The following RPAP2 variants were observed in gnomAD, a reference collection of about 807,000 sequenced individuals.
RPAP2 encodes the protein RNA polymerase II associated protein 2, also known as putative RNA polymerase II subunit B1 CTD phosphatase RPAP2.
A neutral mutation model predicts 73.1 loss-of-function variants in RPAP2; 52 were observed. The observed-to-expected ratio is 0.71, with a 90% CI of 0.57 to 0.90. The LOEUF (loss-of-function observed/expected upper bound fraction) is 0.90, where lower values mean the gene tolerates loss of function less well. RPAP2 is among the 40% of genes least tolerant of loss of function. The pLI is 0.00. For synonymous variants in RPAP2, 225 were observed against 242.1 expected, an observed-to-expected ratio of 0.93 and a Z score of 0.65; for missense variants, 598 against 701.8, an observed-to-expected ratio of 0.85 and a Z score of 1.67.
intron 8 of RPAP2, among the ~76,000 whole-genome samples, chr1:92,329,815 T>G (rs1405438261): frequency 6.6e-6 from 1 of 152,238 alleles, no homozygotes; most frequent in Non-Finnish European, 1.5e-5. Context: ...CTTAGAATTT[T>G]TGCACATATT....
Position 92,323,828 on chromosome 1 carries a change from G to A in RPAP2, c.908G>A (p.Ser303Asn). 1 of 1,614,046 alleles carries A rather than the reference G, an allele frequency of 6.2e-7. No homozygotes were observed. The highest frequency in any genetic ancestry group is 8.5e-7 in the Non-Finnish European group (1 of 1,179,980). ...QKVNTQSSSNSTLPERLKASE... is the reference protein window; with the variant it reads ...QKVNTQSSSNNTLPERLKASE... Reference sequence around the variant, plus strand: ...GTAAATACTCAGAGTTCTTCAAATAGCACTTTGCCTGAAAGATTAAAAGCG... The same window carrying A: ...GTAAATACTCAGAGTTCTTCAAATAACACTTTGCCTGAAAGATTAAAAGCG... The change falls in exon 8 of 13, where the codon AGC (serine) becomes AAC (asparagine). Residue 303 changes from serine (S) to asparagine (N), a missense_variant. By Grantham distance (46) the Ser-to-Asn change is conservative (BLOSUM62 1). Coordinates refer to ENST00000610020, the MANE Select transcript of RPAP2 (RefSeq NM_024813.3).
In RPAP2 at chr1:92,323,754, A is replaced by C. The variant is rs1244502986; in HGVS notation, c.834A>C (p.Lys278Asn). Reference protein sequence around the residue: ...VDVTEQLGDCKLDSQEKDATC... With the variant: ...VDVTEQLGDCNLDSQEKDATC... ...TCACTGAGCAGTTAGGCGATTGCAA[A>C]TTAGATAGTCAGGAGAAAGATGCTA... The change falls in exon 8 of 13, where the codon AAA becomes AAC. Residue 278 changes from lysine (K) to asparagine (N), a missense_variant. By Grantham distance (94) the Lys-to-Asn change is moderately conservative. Transcript: ENST00000610020. 1 of 1,614,058 alleles carries C rather than the reference A, an allele frequency of 6.2e-7. No individual in the cohort carries two copies. Among genetic ancestry groups the C allele is most frequent in the Non-Finnish European group, 8.5e-7 (1 of 1,180,034 alleles).
intron 11 of RPAP2, among the ~76,000 whole-genome samples, chr1:92,379,737 C>A (rs190533607): frequency 1.5e-3 from 221 of 150,674 alleles, no homozygotes; most frequent in African/African-American, 5.2e-3. Context: ...GAGTTCGAGA[C>A]CAGCCTGGCC....
At chr1:92,359,032 C>T (rs1654617992) in intron 11 of RPAP2, among the ~76,000 whole-genome samples, 1 of 152,220 alleles carries the variant, frequency 6.6e-6, no homozygotes, top group African/African-American at 2.4e-5. Flanking sequence ...TCTCATTAAT[C>T]CTTTGCATTC....
At chr1:92,378,123 A>G (rs1655467806) in intron 11 of RPAP2, among the ~76,000 whole-genome samples, 1 of 152,222 alleles carries the variant, frequency 6.6e-6, no homozygotes, top group South Asian at 2.1e-4. Flanking sequence ...TGAGCCAAAT[A>G]CTAATCTCCT....
intron 8 of RPAP2, among the ~76,000 whole-genome samples, chr1:92,326,505 G>A (rs1415141171): frequency 6.6e-6 from 1 of 152,142 alleles, no homozygotes; most frequent in Admixed American, 6.5e-5. Flanking sequence ...TCAGGCTGTG[G>A]GTAGGGCCGT....
intron 11 of RPAP2, among the ~76,000 whole-genome samples, chr1:92,378,124 C>T (rs1252608529): frequency 1.3e-5 from 2 of 152,194 alleles, no homozygotes; most frequent in African/African-American, 2.4e-5. Context: ...GAGCCAAATA[C>T]TAATCTCCTT....
chr1:92,337,147 C>T (rs910419468), intron 10 of RPAP2, among the ~76,000 whole-genome samples: 2 of 152,026 alleles, frequency 1.3e-5, no homozygotes, highest in African/African-American at 2.4e-5. Context: ...GTTGCACTGA[C>T]ACAGAATAAA....
chr1:92,393,267 G>A lies in RPAP2; in HGVS notation c.*6256G>A, dbSNP rs910624929. ...ATTTAATAAATGGTGTTGGGAAAACGGGCTAGCCATATGCAGAAAACTGTA... is the reference window on the plus strand; with the variant it reads ...ATTTAATAAATGGTGTTGGGAAAACAGGCTAGCCATATGCAGAAAACTGTA... On this transcript the variant is annotated 3_prime_UTR_variant, in exon 13 of 13. Transcript: ENST00000610020. 1 of 152,018 alleles carries A rather than the reference G, an allele frequency of 6.6e-6. No homozygotes were observed. Among genetic ancestry groups the A allele is most frequent in the South Asian group, 2.1e-4 (1 of 4,822 alleles). 9.4% of individuals were successfully genotyped at this position (152,018 alleles called of 1,614,324 possible).
At chr1:92,361,485 T>C (rs34619607) in intron 11 of RPAP2, among the ~76,000 whole-genome samples, 2 of 152,078 alleles carry the variant, frequency 1.3e-5, no homozygotes, top group African/African-American at 2.4e-5. Context: ...ACTGGTAAAA[T>C]TGCATTGCAC....
intron 6 of RPAP2, among the ~76,000 whole-genome samples, 167 bp from the exon 7 acceptor site, chr1:92,320,432 C>T (rs992960388): frequency 6.6e-6 from 1 of 152,074 alleles, no homozygotes; most frequent in African/African-American, 2.4e-5. Flanking sequence ...ACCGCCATGT[C>T]CAGCTAATTT....
rs1043583168 is a variant in RPAP2 at position 92,391,303 on chromosome 1, A to C, written c.*4292A>C. 1 of 152,222 alleles carries C rather than the reference A, an allele frequency of 6.6e-6. No individual in the cohort carries two copies. The highest frequency in any genetic ancestry group is 1.5e-5 in the Non-Finnish European group (1 of 68,036). The allele number at this position is 152,222 out of a possible 1,614,324, so 9.4% of individuals were successfully genotyped here. A position where few individuals can be genotyped will look rare whatever the true frequency, so the allele number is the denominator to read the frequency against. On this transcript the variant is annotated 3_prime_UTR_variant, in exon 13 of 13. Transcript: ENST00000610020. ...GACTACTGGGTAAATAACGAAATGA[A>C]GGCAGAAATAAAGATGTTCTTTGGA... is the stretch of plus-strand genomic sequence containing the variant.
intron 11 of RPAP2, among the ~76,000 whole-genome samples, chr1:92,363,075 A>T (rs1479020293): frequency 6.6e-6 from 1 of 152,176 alleles, no homozygotes; most frequent in Non-Finnish European, 1.5e-5. Flanking sequence ...GGGGAAAAAA[A>T]TGCACATTTG....
chr1:92,314,525 G>A (rs1651796440), intron 6 of RPAP2, among the ~76,000 whole-genome samples: 1 of 152,128 alleles, frequency 6.6e-6, no homozygotes. Context: ...CAAGGCCGGT[G>A]GATCACTTGA....
intron 11 of RPAP2, among the ~76,000 whole-genome samples, chr1:92,349,134 C>T (rs1028280907): frequency 6.6e-6 from 1 of 152,186 alleles, no homozygotes; most frequent in African/African-American, 2.4e-5. Flanking sequence ...CACATCTACT[C>T]TCAAATTTCC....
In RPAP2 at chr1:92,324,315, G is replaced by A; in HGVS notation, c.1395G>A (p.Glu465=). 1 of 1,614,052 alleles carries A rather than the reference G, an allele frequency of 6.2e-7. No homozygotes were observed. The highest frequency in any genetic ancestry group is 8.5e-7 in the Non-Finnish European group (1 of 1,179,964). The stretch of plus-strand genomic sequence containing the variant: ...AAAAGTTAAATCTGAGGATCAGGGA[G>A]TTTTACAGAGGACGGTATGTTTTGG... The part of the protein sequence containing the change: ...ETEKLNLRIR[E]FYRGRYVLGE... The change falls in exon 8 of 13, where the codon GAG becomes GAA. Residue 465 remains glutamate (E), a synonymous_variant. Transcript: ENST00000610020.
intron 8 of RPAP2, among the ~76,000 whole-genome samples, chr1:92,330,928 G>A (rs773530872): frequency 1.5e-4 from 23 of 152,094 alleles, no homozygotes; most frequent in Non-Finnish European, 2.8e-4. Flanking sequence ...TACTGAATGA[G>A]AATTACTTTT....
chr1:92,321,036 A>G (rs896725830), intron 7 of RPAP2, among the ~76,000 whole-genome samples: 3 of 152,226 alleles, frequency 2.0e-5, no homozygotes, highest in African/African-American at 7.2e-5. Flanking sequence ...CATCTAAAGC[A>G]TTAATATAAA....
chr1:92,333,066 T>C (rs1178334219), intron 8 of RPAP2, among the ~76,000 whole-genome samples: 1 of 152,168 alleles, frequency 6.6e-6, no homozygotes, highest in Non-Finnish European at 1.5e-5. Flanking sequence ...CTAATTTTAA[T>C]ATTTTAATCC....
Sources: allele counts gnomAD v4.1 joint callset (sites outside exome capture counted in the v4.1 genomes callset), GRCh38; gene constraint gnomAD v4.1.1; transcripts MANE v1.5; gene names NCBI Gene and HGNC (gene_info 2026-07-23, HGNC 2026-07-21).